Variants in CACNA1A observed in about 807,000 individuals in gnomAD.
The protein encoded by CACNA1A is calcium voltage-gated channel subunit alpha1 A, also known as voltage-dependent P/Q-type calcium channel subunit alpha-1A.
Under a neutral mutation model 262.4 loss-of-function variants are expected in CACNA1A, and 57 were observed. The observed-to-expected ratio is 0.22, with a 90% confidence interval of 0.18 to 0.27. The LOEUF is 0.27. Ranked by LOEUF, CACNA1A falls within the 10% of genes least tolerant of loss-of-function variation. The pLI is 1.00. For missense variants in CACNA1A, 2,526 were observed against 3,562.8 expected (o/e 0.71, Z 7.41); for synonymous variants, 1,431 against 1,419.3 (o/e 1.01, Z -0.18).
At chr19:13,381,783 CAG>C (rs1358232038) in intron 3 of CACNA1A, among the ~76,000 whole-genome samples, 2 of 152,138 alleles carry the variant, frequency 1.3e-5, no homozygotes, top group South Asian at 4.1e-4. Context: ...ATTTGAGAAA[CAG>C]AGATGAGTTG....
At chr19:13,231,243 G>A (rs924774772) in intron 35 of CACNA1A, among the ~76,000 whole-genome samples, 4 of 149,202 alleles carry the variant, frequency 2.7e-5, no homozygotes, top group Non-Finnish European at 5.9e-5. Flanking sequence ...TTGTATTCCT[G>A]GGCTCAAGTG....
chr19:13,227,407 CG>C, intron 37 of CACNA1A, 23 bp downstream of exon 37: 1 of 1,320,820 alleles, frequency 7.6e-7, no homozygotes, highest in Non-Finnish European at 1.1e-6. Context: ...GCCTGGACGT[CG>C]GTGGTCGGCA....
Position 13,206,580 on chromosome 19 carries a change from C to G in CACNA1A, c.*733G>C, listed in dbSNP as rs761355903. Reference sequence around the variant, plus strand: ...GAATCGGTGGTGATGGTGGGTTTTTCTTCTTCTTTTGTTGTTTCAAGCAGG... The same window carrying G: ...GAATCGGTGGTGATGGTGGGTTTTTGTTCTTCTTTTGTTGTTTCAAGCAGG... On this transcript the variant is annotated 3_prime_UTR_variant, in exon 47 of 47. Transcript: ENST00000360228. 1 of 153,674 alleles carries G rather than the reference C, an allele frequency of 6.5e-6. No individual in the cohort carries two copies. The highest frequency in any genetic ancestry group is 2.4e-5 in the African/African-American group (1 of 41,348). The allele number at this position is 153,674 out of a possible 1,614,324, so 9.5% of individuals were successfully genotyped here. A position where few individuals can be genotyped will look rare whatever the true frequency, so the allele number is the denominator to read the frequency against.
intron 3 of CACNA1A, among the ~76,000 whole-genome samples, chr19:13,377,875 C>A (rs1448762654): frequency 6.6e-6 from 1 of 151,774 alleles, no homozygotes; most frequent in Non-Finnish European, 1.5e-5. Context: ...TGCCTGTAAT[C>A]CCAGCACTTA....
intron 6 of CACNA1A, among the ~76,000 whole-genome samples, chr19:13,349,025 AAAAG>A (rs981992753): frequency 8.3e-6 from 1 of 119,846 alleles, no homozygotes; most frequent in African/African-American, 4.7e-5. Flanking sequence ...AAAAAAAAAA[AAAAG>A]AGAGACAAAG....
At chr19:13,402,819 T>C (rs1043410640) in intron 3 of CACNA1A, among the ~76,000 whole-genome samples, 13 of 134,652 alleles carry the variant, frequency 9.7e-5, no homozygotes, top group Non-Finnish European at 1.6e-4. Flanking sequence ...TATACATATA[T>C]ACACACATAT....
intron 3 of CACNA1A, among the ~76,000 whole-genome samples, chr19:13,439,823 A>G (rs2060684526): frequency 6.6e-6 from 1 of 152,162 alleles, no homozygotes; most frequent in Non-Finnish European, 1.5e-5. Flanking sequence ...GATTTGGGAA[A>G]TCAGCAGGAA....
At chr19:13,235,338 C>T (rs2055838585) in intron 32 of CACNA1A, 64 bp from the exon 33 acceptor site, 2 of 1,448,296 alleles carry the variant, frequency 1.4e-6, no homozygotes, top group African/African-American at 1.4e-5. Flanking sequence ...GTCTTCCTCC[C>T]TTGTCCCAGT....
At position 13,210,803 on chromosome 19, in the gene CACNA1A, C is replaced by T; in HGVS notation, c.6304-151G>A. Reference sequence around the variant, plus strand: ...ATCAAGAGAAATCGGAGGGAGAAGGCAGGGAGGAAAAGAAAAGTTAAAGTC... The same window carrying T: ...ATCAAGAGAAATCGGAGGGAGAAGGTAGGGAGGAAAAGAAAAGTTAAAGTC... On this transcript the variant is annotated intron_variant, in intron 43 of 46. Transcript: ENST00000360228. 5 of 833,432 alleles carry T rather than the reference C, an allele frequency of 6.0e-6. No homozygotes were observed. The South Asian group carries it at 7.6e-5, about 13-fold the overall frequency. The allele number at this position is 833,432 out of a possible 1,614,324, so 51.6% of individuals were successfully genotyped here. A position where few individuals can be genotyped will look rare whatever the true frequency, so the allele number is the denominator to read the frequency against.
intron 24 of CACNA1A, among the ~76,000 whole-genome samples, chr19:13,268,468 C>G (rs542703905): frequency 7.4e-5 from 11 of 148,188 alleles, no homozygotes; most frequent in Admixed American, 6.8e-4. Flanking sequence ...GAGTCTCGCT[C>G]TGTCGCCCAG....
intron 3 of CACNA1A, among the ~76,000 whole-genome samples, chr19:13,401,689 C>T (rs772331196): frequency 1.1e-4 from 16 of 152,098 alleles, no homozygotes; most frequent in Non-Finnish European, 1.0e-4. Context: ...CAGCTGCTGT[C>T]TCAATGTAGG....
intron 1 of CACNA1A, among the ~76,000 whole-genome samples, chr19:13,492,172 C>T (rs1980967050): frequency 6.6e-6 from 1 of 152,160 alleles, no homozygotes; most frequent in African/African-American, 2.4e-5. Flanking sequence ...CACTGGACTG[C>T]CTCAAGCCCC....
intron 1 of CACNA1A, among the ~76,000 whole-genome samples, chr19:13,475,289 A>G (rs1978389044): frequency 6.6e-6 from 1 of 152,208 alleles, no homozygotes; most frequent in South Asian, 2.1e-4. Context: ...AACACACCCC[A>G]GGTCTATTTT....
intron 3 of CACNA1A, among the ~76,000 whole-genome samples, chr19:13,407,660 A>C (rs576421145): frequency 2.6e-5 from 4 of 152,150 alleles, no homozygotes; most frequent in Non-Finnish European, 4.4e-5. Flanking sequence ...CCATCAATGG[A>C]GTCTTCCAAT....
chr19:13,425,089 C>T (rs912636808), intron 3 of CACNA1A, among the ~76,000 whole-genome samples: 3 of 152,288 alleles, frequency 2.0e-5, no homozygotes, highest in Non-Finnish European at 4.4e-5. Flanking sequence ...CAGGTGTGAG[C>T]CACTGCGCCT....
At chr19:13,440,601 T>C (rs2060701442) in intron 3 of CACNA1A, among the ~76,000 whole-genome samples, 1 of 152,198 alleles carries the variant, frequency 6.6e-6, no homozygotes, top group African/African-American at 2.4e-5. Context: ...CTTATATGTA[T>C]CTCACTGACT....
intron 31 of CACNA1A, 146 bp downstream of exon 31, chr19:13,245,036 A>G (rs2056189599): frequency 1.5e-6 from 1 of 682,390 alleles, no homozygotes; most frequent in Non-Finnish European, 2.5e-6. Context: ...CCGGGGCCCC[A>G]GTTCTCCCTC....
chr19:13,217,741 G>A (rs1397209666), intron 38 of CACNA1A, among the ~76,000 whole-genome samples: 1 of 152,120 alleles, frequency 6.6e-6, no homozygotes, highest in East Asian at 1.9e-4. Context: ...AGGTGTCATA[G>A]AAGCTGGGGT....
rs568861195 is a variant in CACNA1A at position 13,212,375 on chromosome 19, C to A, written c.6189+9G>T. 15 of 1,613,576 alleles carry A rather than the reference C, an allele frequency of 9.3e-6. No homozygotes were observed. In the African/African-American group the frequency reaches 1.1e-4, roughly 11 times the overall value. On this transcript the variant is annotated intron_variant, in intron 42 of 46. Transcript: ENST00000360228. This position sits in a 1 kb window ranked among gnomAD's most constrained non-coding sequence, Gnocchi z 5.6. ...TGGGAGCCATTGGGGAGTTGGGGGA[C>A]AGAGGCACCTGAGAGTTAGGCTGGC... is the stretch of plus-strand genomic sequence containing the variant.
Sources: allele counts gnomAD v4.1 joint callset (sites outside exome capture counted in the v4.1 genomes callset), GRCh38; gene constraint gnomAD v4.1.1; non-coding constraint Gnocchi (gnomAD v3.1); transcripts MANE v1.5; gene names NCBI Gene and HGNC (gene_info 2026-07-23, HGNC 2026-07-21).